SGPP2: variants seen among roughly 807,000 people sequenced by gnomAD.
The protein encoded by SGPP2 is sphingosine 1-phosphate phosphohydrolase 2.
In SGPP2, 30 loss-of-function variants were observed where a neutral mutation model predicts 33.9. The observed-to-expected ratio is 0.89, with a 90% CI of 0.66 to 1.20. The LOEUF (loss-of-function observed/expected upper bound fraction) is 1.20. Ranked by LOEUF, SGPP2 falls within the 50% of genes most tolerant of loss-of-function variation. SGPP2 has a pLI of 0.00. For missense variants in SGPP2, 458 were observed against 532.1 expected (o/e 0.86, Z 1.37); for synonymous variants, 233 against 225.0 (o/e 1.04, Z -0.32).
intron 2 of SGPP2, among the ~76,000 whole-genome samples, chr2:222,491,949 G>T (rs190842479): frequency 6.6e-6 from 1 of 152,282 alleles, no homozygotes; most frequent in East Asian, 1.9e-4. Context: ...AAACAAAGGG[G>T]CTACAGACCC....
chr2:222,495,519 G>C (rs1698266475), intron 2 of SGPP2, among the ~76,000 whole-genome samples: 1 of 152,102 alleles, frequency 6.6e-6, no homozygotes. Context: ...AAGATCTCTT[G>C]GCTTAAAAAT....
At chr2:222,502,821 C>A (rs1419855099) in intron 2 of SGPP2, among the ~76,000 whole-genome samples, 2 of 152,202 alleles carry the variant, frequency 1.3e-5, no homozygotes, top group African/African-American at 4.8e-5. Context: ...ATGCTAACAT[C>A]AGGAATGGTT....
At chr2:222,440,341 T>C (rs1697305831) in intron 1 of SGPP2, among the ~76,000 whole-genome samples, 1 of 61,468 alleles carries the variant, frequency 1.6e-5, no homozygotes. Flanking sequence ...TGTGTTTTTG[T>C]TTTTGTTTTT....
In SGPP2 at chr2:222,498,588, C is replaced by CA. The variant is rs898036161; in HGVS notation, c.379-23169dup. 5.4e-5 allele frequency among the ~76,000 whole-genome samples: 8 copies of CA among 148,490 alleles called. No homozygotes were observed. The South Asian group carries it at 8.5e-4, about 16-fold the overall frequency. On this transcript the variant is annotated intron_variant, in intron 2 of 4. Transcript: ENST00000321276. ...TGAATGAATGAATGAATTTTTTTTT[C>CA]AAAAAAAAAATTTTTGAGCAGTTAA...
At chr2:222,498,951 C>T (rs1262512027) in intron 2 of SGPP2, among the ~76,000 whole-genome samples, 1 of 152,202 alleles carries the variant, frequency 6.6e-6, no homozygotes, top group Admixed American at 6.5e-5. Context: ...CATATGGAAA[C>T]CAGTATTTCT....
intron 4 of SGPP2, among the ~76,000 whole-genome samples, chr2:222,529,388 G>A (rs1196489771): frequency 6.6e-6 from 1 of 152,040 alleles, no homozygotes; most frequent in Non-Finnish European, 1.5e-5. Flanking sequence ...AGGCTGGAGT[G>A]CAATGGCGTG....
At position 222,460,767 on chromosome 2, in the gene SGPP2, C is replaced by T. The variant is rs1463346181; in HGVS notation, c.220-13801C>T. Among the ~76,000 whole-genome samples, 2 of 151,998 alleles carry T rather than the reference C, an allele frequency of 1.3e-5. No homozygotes were observed. The highest frequency in any genetic ancestry group is 2.9e-5 in the Non-Finnish European group (2 of 68,012). The stretch of plus-strand genomic sequence containing the variant: ...ACTGTTTCAGGAACACGGTGCCTCA[C>T]AGCTTCCATGCCTCTCCTCTTGCTG... On this transcript the variant is annotated intron_variant, in intron 1 of 4. Transcript: ENST00000321276. The surrounding 1 kb of genome is among the most constrained non-coding windows in gnomAD (Gnocchi z 4.3).
Position 222,437,012 on chromosome 2 carries a change from CA to C in SGPP2, c.219+12192del, listed in dbSNP as rs746782315. On this transcript the variant is annotated intron_variant, in intron 1 of 4. Coordinates refer to ENST00000321276, the MANE Select transcript of SGPP2 (RefSeq NM_152386.4). ...TGTTCATGGGCCCATTGGGTGAAGA[CA>C]GGAGTGGCTGGGGAAAGAGGCTGAG... 1.4e-4 allele frequency among the ~76,000 whole-genome samples: 21 copies of C among 152,258 alleles called. No individual in the cohort carries two copies. In the South Asian group the frequency reaches 1.5e-3, roughly 11 times the overall value.
intron 1 of SGPP2, among the ~76,000 whole-genome samples, chr2:222,449,447 G>A (rs895102383): frequency 4.0e-5 from 6 of 151,050 alleles, no homozygotes; most frequent in Admixed American, 2.7e-4. Flanking sequence ...TCCTAAGGAT[G>A]CAGCCTTTAC....
At chr2:222,479,916 A>C (rs1343619022) in intron 2 of SGPP2, among the ~76,000 whole-genome samples, 1 of 152,176 alleles carries the variant, frequency 6.6e-6, no homozygotes, top group Non-Finnish European at 1.5e-5. Flanking sequence ...GAAACACATC[A>C]ATCAATTCAC....
At chr2:222,425,698 G>T (rs774483768) in intron 1 of SGPP2, among the ~76,000 whole-genome samples, 1 of 152,198 alleles carries the variant, frequency 6.6e-6, no homozygotes, top group Non-Finnish European at 1.5e-5. Context: ...TGGCGCAGGA[G>T]AACAGAAATA....
intron 1 of SGPP2, among the ~76,000 whole-genome samples, chr2:222,448,242 G>A (rs565755460): frequency 3.9e-5 from 6 of 152,194 alleles, no homozygotes; most frequent in Non-Finnish European, 8.8e-5. Context: ...TTTTATCTTT[G>A]CTCTACATCA....
chr2:222,475,989 A>T (rs1431653728), intron 2 of SGPP2, among the ~76,000 whole-genome samples: 1 of 152,220 alleles, frequency 6.6e-6, no homozygotes, highest in African/African-American at 2.4e-5. Flanking sequence ...CTATTTGAGC[A>T]TGATAACGCA....
At chr2:222,555,088 A>G (rs533146022) in intron 4 of SGPP2, among the ~76,000 whole-genome samples, 4 of 152,062 alleles carry the variant, frequency 2.6e-5, no homozygotes, top group Admixed American at 2.6e-4. Flanking sequence ...CAAGAATGTT[A>G]TCTAAATAGA....
intron 1 of SGPP2, among the ~76,000 whole-genome samples, chr2:222,472,062 G>A (rs1054465370): frequency 6.6e-6 from 1 of 152,178 alleles, no homozygotes; most frequent in African/African-American, 2.4e-5. Context: ...CAGGTCTTGT[G>A]TGTACTTTCT....
chr2:222,472,569 G>A, intron 1 of SGPP2, among the ~76,000 whole-genome samples: 1 of 152,200 alleles, frequency 6.6e-6, no homozygotes, highest in Non-Finnish European at 1.5e-5. Context: ...CGCCTGGTCA[G>A]TAAGTGAATT....
At position 222,465,548 on chromosome 2, in the gene SGPP2, T is replaced by C. The variant is rs1033105594; in HGVS notation, c.220-9020T>C. Among the ~76,000 whole-genome samples, 1 of 152,170 alleles carries C rather than the reference T, an allele frequency of 6.6e-6. No individual in the cohort carries two copies. The highest frequency in any genetic ancestry group is 1.5e-5 in the Non-Finnish European group (1 of 68,020). On this transcript the variant is annotated intron_variant, in intron 1 of 4. Transcript: ENST00000321276. This position sits in a 1 kb window ranked among gnomAD's most constrained non-coding sequence, Gnocchi z 4.1. ...CATTTCACCCCAGTGGCTTTTCAGT[T>C]CAGAACTGGGAATTAATGATATTTT...
At chr2:222,557,015 C>G (rs1028633287) in intron 4 of SGPP2, among the ~76,000 whole-genome samples, 9 of 151,942 alleles carry the variant, frequency 5.9e-5, no homozygotes, top group Admixed American at 2.0e-4. Context: ...AAAGTGAAAA[C>G]CCAGTCATGT....
In SGPP2 at chr2:222,468,780, G is replaced by A. The variant is rs147138933; in HGVS notation, c.220-5788G>A. On this transcript the variant is annotated intron_variant, in intron 1 of 4. Coordinates refer to ENST00000321276, the MANE Select transcript of SGPP2 (RefSeq NM_152386.4). Reference sequence around the variant, plus strand: ...CTTCCACCATGCAGTCAATCTGCATGCCTCCCCTTCTTCCCTGGTTTATTT... The same window carrying A: ...CTTCCACCATGCAGTCAATCTGCATACCTCCCCTTCTTCCCTGGTTTATTT... 1.1e-4 allele frequency among the ~76,000 whole-genome samples: 17 copies of A among 152,276 alleles called. No individual in the cohort carries two copies. The East Asian group carries it at 3.3e-3, about 29-fold the overall frequency.
Sources: gnomAD v4.1 joint callset for allele counts (sites outside exome capture counted in the v4.1 genomes callset) on GRCh38, gnomAD v4.1.1 for gene constraint, Gnocchi (gnomAD v3.1) non-coding constraint, MANE v1.5 for transcripts, NCBI Gene and HGNC (gene_info 2026-07-23, HGNC 2026-07-21) for gene names.